The following RRP12 variants were observed in gnomAD, a reference collection of about 807,000 sequenced individuals.
RRP12 encodes the protein RRP12-like protein.
In RRP12, 78 loss-of-function variants were observed where a neutral mutation model predicts 157.3. That is an observed-to-expected ratio of 0.50 (90% CI 0.41 to 0.60). RRP12 has a LOEUF of 0.60. Ranked by LOEUF, RRP12 falls within the 20% of genes least tolerant of loss-of-function variation. The pLI is 0.00. For synonymous variants in RRP12, 726 were observed against 670.9 expected (o/e 1.08, Z -1.27); for missense variants, 1,521 against 1,679.9 (o/e 0.91, Z 1.65).
intron 15 of RRP12, among the ~76,000 whole-genome samples, 167 bp downstream of exon 15, chr10:97,379,125 AG>A (rs979590455): frequency 1.3e-5 from 2 of 152,160 alleles, no homozygotes; most frequent in South Asian, 2.1e-4. Context: ...AGCAGCAGGG[AG>A]GGAGACAGGC....
chr10:97,379,781 G>A lies in RRP12; in HGVS notation c.1534-11C>T. On this transcript the variant is annotated splice_polypyrimidine_tract_variant and intron_variant, in intron 13 of 33. Transcript: ENST00000370992. ...CAGGGACTGGAGGCACTGCAGCAGA[G>A]ATGAGTGACCACACATCAAGACATG... 6.3e-7 allele frequency: 1 copy of A among 1,596,290 alleles called. No homozygotes were observed. The highest frequency in any genetic ancestry group is 8.5e-7 in the Non-Finnish European group (1 of 1,171,504).
At chr10:97,387,974 A>C in intron 8 of RRP12, 1 of 295,226 alleles carries the variant, frequency 3.4e-6, no homozygotes, top group Non-Finnish European at 6.2e-6. Context: ...AAAAATTGGT[A>C]TAGGGTACAT....
intron 10 of RRP12, among the ~76,000 whole-genome samples, chr10:97,384,594 C>G (rs1366746860): frequency 6.6e-6 from 1 of 151,444 alleles, no homozygotes; most frequent in Non-Finnish European, 1.5e-5. Flanking sequence ...TGAGGACCCC[C>G]AACCTCGGCA....
chr10:97,373,079 G>A lies in RRP12; in HGVS notation c.2148C>T (p.Thr716=), dbSNP rs149291217. ...TPAPRRAVLE[T]IRTYLTITDT... Reference sequence around the variant, plus strand: ...CAGTGATGGTGAGGTAAGTTCTGATGGTTTCCAGCACAGCCCGGCGAGGGG... The same window carrying A: ...CAGTGATGGTGAGGTAAGTTCTGATAGTTTCCAGCACAGCCCGGCGAGGGG... The change falls in exon 18 of 34, where the codon ACC becomes ACT. Residue 716 remains threonine (T), a synonymous_variant. Coordinates refer to ENST00000370992, the MANE Select transcript of RRP12 (RefSeq NM_015179.4). 18 of 1,613,806 alleles carry A rather than the reference G, an allele frequency of 1.1e-5. No individual in the cohort carries two copies. In the African/African-American group the frequency reaches 1.9e-4, roughly 17 times the overall value.
intron 14 of RRP12, 68 bp downstream of exon 14, chr10:97,379,560 C>T: frequency 6.3e-7 from 1 of 1,598,954 alleles, no homozygotes; most frequent in South Asian, 1.1e-5. Flanking sequence ...CCCACAGCAG[C>T]AGACATCCTT....
rs1305420634 is a variant in RRP12, at chr10:97,372,014, C to A, written c.2343+59G>T. On this transcript the variant is annotated intron_variant, in intron 20 of 33. Coordinates refer to ENST00000370992, the MANE Select transcript of RRP12 (RefSeq NM_015179.4). ...AAGACATGAAGACAGGCCCCACCTT[C>A]CCACAGCCCATCTGCCCCCAAGCGT... The A allele has an allele frequency of 3.3e-6, 4 of 1,226,112 alleles. No homozygotes were observed. In the African/African-American group the frequency reaches 5.9e-5, roughly 18 times the overall value. 76.0% of individuals were successfully genotyped at this position (1,226,112 alleles called of 1,614,324 possible). A position where few individuals can be genotyped will look rare whatever the true frequency, so the allele number is the denominator to read the frequency against.
rs575851393 is a variant in RRP12, at chr10:97,366,036, G to A, written c.3517+72C>T. ...GTTTCTCTGGTCTGTTTTTAGCCAC[G>A]CTTCCTCAGCAAGTGATCACCGAAG... On this transcript the variant is annotated intron_variant, in intron 29 of 33. Transcript: ENST00000370992. 32 of 1,590,982 alleles carry A rather than the reference G, an allele frequency of 2.0e-5. No individual in the cohort carries two copies. The African/African-American group carries it at 3.7e-4, about 19-fold the overall frequency.
chr10:97,370,643 C>T, intron 22 of RRP12, 73 bp downstream of exon 22: 3 of 1,588,356 alleles, frequency 1.9e-6, no homozygotes, highest in South Asian at 2.2e-5. Flanking sequence ...CCCATCACTG[C>T]CCTCCCTGGA....
intron 29 of RRP12, 140 bp downstream of exon 29, chr10:97,365,968 G>A (rs1028622277): frequency 1.8e-6 from 2 of 1,104,484 alleles, no homozygotes; most frequent in Non-Finnish European, 2.7e-6. Context: ...CTCAAAAAAA[G>A]TTTGAGAAAC....
In RRP12 at chr10:97,370,549, G is replaced by A. The variant is rs1484407521; in HGVS notation, c.2595C>T (p.Cys865=). ...GTGCGCCCACCGACACCTCCTTGGT[G>A]CACAGGATCACCTGGCCAAGACAAC... ...ITALIPEVIL[C]TKEVSVGARK... The change falls in exon 23 of 34, where the codon TGC becomes TGT. Residue 865 remains cysteine, a synonymous_variant. Transcript: ENST00000370992. The A allele has an allele frequency of 6.2e-7, 1 of 1,610,176 alleles. No homozygotes were observed. Among genetic ancestry groups the A allele is most frequent in the African/African-American group, 1.3e-5 (1 of 74,598 alleles).
intron 8 of RRP12, chr10:97,387,986 G>T: frequency 1.8e-5 from 7 of 391,242 alleles, no homozygotes; most frequent in Non-Finnish European, 3.2e-5. Flanking sequence ...AGGGTACATA[G>T]AGCTGGTGCA....
At position 97,381,411 on chromosome 10, in the gene RRP12, C is replaced by A; in HGVS notation, c.1393G>T (p.Ala465Ser). ...GSVTSSASGPAQSVAKMFRAV... is the reference protein window; with the variant it reads ...GSVTSSASGPSQSVAKMFRAV... ...CTGAACATCTTGGCAACAGATTGGGCAGGGCCTGAGGCCGAGGAGGTCACG... is the reference window on the plus strand; with the variant it reads ...CTGAACATCTTGGCAACAGATTGGGAAGGGCCTGAGGCCGAGGAGGTCACG... The change falls in exon 12 of 34, where the codon GCC becomes TCC. Residue 465 changes from alanine to serine, a missense_variant. By Grantham distance (99) the Ala-to-Ser change is moderately conservative (BLOSUM62 1). Coordinates refer to ENST00000370992, the MANE Select transcript of RRP12 (RefSeq NM_015179.4). The A allele has an allele frequency of 6.2e-7, 1 of 1,612,492 alleles. No individual in the cohort carries two copies. Among genetic ancestry groups the A allele is most frequent in the Non-Finnish European group, 8.5e-7 (1 of 1,179,416 alleles).
chr10:97,388,663 C>G, intron 6 of RRP12, 39 bp from the exon 7 acceptor site: 1 of 1,602,708 alleles, frequency 6.2e-7, no homozygotes, highest in Non-Finnish European at 8.5e-7. Flanking sequence ...GCCAGATCAG[C>G]GTTCCACCAG....
At chr10:97,393,870 G>A (rs891223302) in intron 3 of RRP12, 110 bp from the exon 4 acceptor site, 1 of 803,118 alleles carries the variant, frequency 1.2e-6, no homozygotes, top group Non-Finnish European at 2.1e-6. Context: ...GAGAACCACG[G>A]TATCAGAGGT....
Position 97,379,417 on chromosome 10 carries a change from G to C in RRP12, c.1677-3C>G. The C allele has an allele frequency of 6.2e-7, 1 of 1,613,872 alleles. No homozygotes were observed. On this transcript the variant is annotated splice_region_variant and splice_polypyrimidine_tract_variant and intron_variant, in intron 14 of 33. Transcript: ENST00000370992. ...TCCGTGGGAAATCCAGAGTCTCCCT[G>C]GGAAGAGAATGGGAAGAACCCAATG... is the stretch of plus-strand genomic sequence containing the variant.
At chr10:97,398,412 G>T (rs1195948261) in intron 2 of RRP12, among the ~76,000 whole-genome samples, 1 of 143,306 alleles carries the variant, frequency 7.0e-6, no homozygotes, top group Non-Finnish European at 1.5e-5. Context: ...GAAGCGCAGT[G>T]GTGCGATCTT....
At chr10:97,388,764 C>T in intron 6 of RRP12, 140 bp from the exon 7 acceptor site, 1 of 1,021,552 alleles carries the variant, frequency 9.8e-7, no homozygotes, top group Non-Finnish European at 1.4e-6. Flanking sequence ...TCCAGTGCTA[C>T]ACCAGGGCCT....
At position 97,401,320 on chromosome 10, in the gene RRP12, G is replaced by T. The variant is rs1845143607; in HGVS notation, c.-89C>A. The T allele has an allele frequency of 1.3e-6, 2 of 1,500,162 alleles. No homozygotes were observed. The highest frequency in any genetic ancestry group is 4.5e-5 in the East Asian group (2 of 43,980). 92.9% of individuals were successfully genotyped at this position (1,500,162 alleles called of 1,614,324 possible). The stretch of plus-strand genomic sequence containing the variant: ...TCAGAACCCACGTGGATACCCTGTA[G>T]CCTTCACTTCCTCTTCTTCTGGCGT... On this transcript the variant is annotated 5_prime_UTR_variant, in exon 1 of 34. Transcript: ENST00000370992.
rs779656743 is a variant in RRP12, at chr10:97,366,439, TGCTTACCCAG to T, written c.3388_3391+6del. ...TTTCTGAGTGCACTGGCCAGCCCTG[TGCTTACCCAG>T]GACTCGTTGGGCCACCTTGGGATCC... On this transcript the variant is annotated splice_donor_variant and splice_donor_5th_base_variant and coding_sequence_variant and intron_variant, in exon 28 of 34. Transcript: ENST00000370992. LOFTEE classifies it high-confidence loss of function. The T allele has an allele frequency of 2.5e-5, 40 of 1,607,626 alleles. No homozygotes were observed. The highest frequency in any genetic ancestry group is 3.2e-5 in the Non-Finnish European group (38 of 1,176,806).
Sources: allele counts gnomAD v4.1 joint callset (sites outside exome capture counted in the v4.1 genomes callset), GRCh38; gene constraint gnomAD v4.1.1; transcripts MANE v1.5; gene names NCBI Gene and HGNC (gene_info 2026-07-23, HGNC 2026-07-21).